EXOC6B: variants seen among roughly 807,000 people sequenced by gnomAD.
The protein encoded by EXOC6B is exocyst complex component 6B, also known as SEC15 homolog B.
In EXOC6B, 54 loss-of-function variants were observed where a neutral mutation model predicts 113.5. The ratio of observed to expected loss-of-function variants is 0.48; its 90% CI spans 0.38 to 0.60. The LOEUF (loss-of-function observed/expected upper bound fraction) is 0.60, where lower values mean the gene tolerates loss of function less well. EXOC6B is among the 20% of genes least tolerant of loss of function. The probability of loss-of-function intolerance (pLI) is 0.00; values close to 1 mark genes in which losing one functional copy is unlikely to be tolerated. For missense variants in EXOC6B, 797 were observed against 977.5 expected, an observed-to-expected ratio of 0.82 and a Z score of 2.46; for synonymous variants, 357 against 339.0, an observed-to-expected ratio of 1.05 and a Z score of -0.58.
chr2:72,661,973 T>A (rs1433009468), intron 6 of EXOC6B, among the ~76,000 whole-genome samples: 1 of 150,756 alleles, frequency 6.6e-6, no homozygotes, highest in East Asian at 2.0e-4. Flanking sequence ...GAAGTAATAG[T>A]TTATTAATTA....
At chr2:72,214,683 G>A (rs1284227425) in intron 20 of EXOC6B, among the ~76,000 whole-genome samples, 2 of 152,110 alleles carry the variant, frequency 1.3e-5, no homozygotes, top group African/African-American at 4.8e-5. Context: ...AGGTATGTGA[G>A]GAGATGGCCA....
intron 6 of EXOC6B, among the ~76,000 whole-genome samples, chr2:72,630,521 C>G (rs1349386520): frequency 6.6e-6 from 1 of 152,120 alleles, no homozygotes; most frequent in Non-Finnish European, 1.5e-5. Flanking sequence ...ATATGCAAAA[C>G]CTGTCCTAAT....
intron 11 of EXOC6B, among the ~76,000 whole-genome samples, chr2:72,509,891 T>TG (rs1355689514): frequency 6.6e-6 from 1 of 152,174 alleles, no homozygotes; most frequent in Admixed American, 6.5e-5. Context: ...TGGAGTGCAG[T>TG]GGCACTGTCT....
intron 18 of EXOC6B, among the ~76,000 whole-genome samples, chr2:72,418,312 T>C (rs1694659551): frequency 6.6e-6 from 1 of 152,194 alleles, no homozygotes; most frequent in African/African-American, 2.4e-5. Flanking sequence ...TGAAACTCTA[T>C]ACCCATTAAA....
chr2:72,788,176 T>C (rs1184526525), intron 1 of EXOC6B, among the ~76,000 whole-genome samples: 3 of 152,222 alleles, frequency 2.0e-5, no homozygotes, highest in Admixed American at 6.5e-5. Context: ...TCTGATCTTG[T>C]TCCCTCATCT....
At chr2:72,335,129 G>T in intron 19 of EXOC6B, 109 bp from the exon 20 acceptor site, 1 of 944,808 alleles carries the variant, frequency 1.1e-6, no homozygotes, top group Non-Finnish European at 1.7e-6. Context: ...GGAGGACCAA[G>T]CTTCTAAGGA....
At chr2:72,314,662 G>C (rs1572900278) in intron 20 of EXOC6B, among the ~76,000 whole-genome samples, 1 of 152,078 alleles carries the variant, frequency 6.6e-6, no homozygotes, top group Non-Finnish European at 1.5e-5. Flanking sequence ...TTCATAGAAA[G>C]GTATGGAGTT....
At chr2:72,380,706 TA>T (rs1388088637) in intron 18 of EXOC6B, among the ~76,000 whole-genome samples, 1 of 152,004 alleles carries the variant, frequency 6.6e-6, no homozygotes, top group Non-Finnish European at 1.5e-5. Flanking sequence ...AAAAAATAAT[TA>T]AGGGGATGCA....
chr2:72,642,996 C>CA (rs906762385), intron 6 of EXOC6B, among the ~76,000 whole-genome samples: 1 of 151,758 alleles, frequency 6.6e-6, no homozygotes, highest in African/African-American at 2.4e-5. Flanking sequence ...TTTATGCAGC[C>CA]AAAAAACATG....
chr2:72,543,581 A>G (rs1702734614), intron 8 of EXOC6B, among the ~76,000 whole-genome samples: 1 of 152,174 alleles, frequency 6.6e-6, no homozygotes, highest in South Asian at 2.1e-4. Context: ...GCTAAATGAT[A>G]TGTATGCCCA....
chr2:72,225,423 T>C (rs376522703), intron 20 of EXOC6B, among the ~76,000 whole-genome samples: 2 of 152,304 alleles, frequency 1.3e-5, no homozygotes, highest in African/African-American at 4.8e-5. Context: ...GTGAAAGAGT[T>C]GTTGACACAT....
At chr2:72,463,631 T>C (rs551623553) in intron 18 of EXOC6B, 12 of 152,280 alleles carry the variant, frequency 7.9e-5, no homozygotes, top group African/African-American at 2.6e-4. Flanking sequence ...ACCCTCAAGA[T>C]ATTTACTGAA....
In EXOC6B at chr2:72,686,120, T is replaced by C. The variant is rs147737205; in HGVS notation, c.669+31983A>G. Among the ~76,000 whole-genome samples, 160 of 152,278 alleles carry C rather than the reference T, an allele frequency of 1.1e-3. 1 individual carries two copies. Among genetic ancestry groups the C allele is most frequent in the East Asian group, 9.3e-3 (48 of 5,170 alleles). On this transcript the variant is annotated intron_variant, in intron 6 of 21. Coordinates refer to ENST00000272427, the MANE Select transcript of EXOC6B (RefSeq NM_015189.3). Reference sequence around the variant, plus strand: ...CTGAGCTTGATAATTCCCTTTTTTTTCCCCAATTTTCTCCGGACAGAGGAA... The same window carrying C: ...CTGAGCTTGATAATTCCCTTTTTTTCCCCCAATTTTCTCCGGACAGAGGAA...
rs758906963 is a variant in EXOC6B at position 72,307,161 on chromosome 2, G to GTTTTTGTTTTTTTTTTTTTTTTTTTTT, written c.2196+27785_2196+27786insAAAAAAAAAAAAAAAAAAAAACAAAAA. 6.8e-4 allele frequency among the ~76,000 whole-genome samples: 87 copies of GTTTTTGTTTTTTTTTTTTTTTTTTTTT among 128,480 alleles called. 1 individual carries two copies. Among genetic ancestry groups the GTTTTTGTTTTTTTTTTTTTTTTTTTTT allele is most frequent in the African/African-American group, 2.0e-3 (53 of 26,198 alleles). 84.3% of individuals were successfully genotyped at this position (128,480 alleles called of 152,430 possible). A position where few individuals can be genotyped will look rare whatever the true frequency, so the allele number is the denominator to read the frequency against. On this transcript the variant is annotated intron_variant, in intron 20 of 21. Transcript: ENST00000272427. Reference sequence around the variant, plus strand: ...TCCATGACTGCAATGGTATAGTCCAGTTTTTTTTTTTTTGAGACGGAGTCT... The same window carrying GTTTTTGTTTTTTTTTTTTTTTTTTTTT: ...TCCATGACTGCAATGGTATAGTCCAGTTTTTGTTTTTTTTTTTTTTTTTTTTTTTTTTTTTTTTTTGAGACGGAGTCT...
intron 20 of EXOC6B, among the ~76,000 whole-genome samples, chr2:72,274,234 A>T (rs1438284741): frequency 6.6e-6 from 1 of 152,182 alleles, no homozygotes; most frequent in African/African-American, 2.4e-5. Flanking sequence ...TCCAAGTTAC[A>T]CAGAAATATA....
chr2:72,504,506 T>C (rs1700499548), intron 11 of EXOC6B, among the ~76,000 whole-genome samples: 1 of 152,212 alleles, frequency 6.6e-6, no homozygotes, highest in African/African-American at 2.4e-5. Flanking sequence ...TCATGCTCTC[T>C]AGTATCCAAT....
intron 18 of EXOC6B, among the ~76,000 whole-genome samples, chr2:72,380,848 C>T (rs114854996): frequency 0.014 from 2,147 of 152,194 alleles, 66 homozygotes; most frequent in African/African-American, 0.049. Context: ...TAGTGAATTA[C>T]ATAAATTTTA....
At chr2:72,184,694 C>T (rs1274648370) in intron 20 of EXOC6B, among the ~76,000 whole-genome samples, 1 of 152,126 alleles carries the variant, frequency 6.6e-6, no homozygotes, top group Non-Finnish European at 1.5e-5. Context: ...TGACTTAGCC[C>T]AAGTGACTTA....
intron 5 of EXOC6B, among the ~76,000 whole-genome samples, chr2:72,728,500 T>TA (rs1680448143): frequency 1.3e-5 from 2 of 152,184 alleles, no homozygotes; most frequent in South Asian, 4.1e-4. Context: ...ATAGTTATAG[T>TA]AATAACCACT....
Sources: allele counts gnomAD v4.1 joint callset (sites outside exome capture counted in the v4.1 genomes callset), GRCh38; gene constraint gnomAD v4.1.1; transcripts MANE v1.5; gene names NCBI Gene and HGNC (gene_info 2026-07-23, HGNC 2026-07-21).